DIS3L2: variants seen among roughly 807,000 people sequenced by gnomAD.
The protein encoded by DIS3L2 is DIS3 like 3'-5' exoribonuclease 2.
DIS3L2 carries 34 observed loss-of-function variants against 97.5 expected under a neutral mutation model. The ratio of observed to expected loss-of-function variants is 0.35; its 90% CI spans 0.27 to 0.46. The LOEUF (loss-of-function observed/expected upper bound fraction) is 0.46. Ranked by LOEUF, DIS3L2 falls within the 20% of genes least tolerant of loss-of-function variation. The probability of loss-of-function intolerance (pLI) is 1.00; values close to 1 mark genes in which losing one functional copy is unlikely to be tolerated. For synonymous variants in DIS3L2, 435 were observed against 445.2 expected, an observed-to-expected ratio of 0.98 and a Z score of 0.29; for missense variants, 1,038 against 1,146.0, an observed-to-expected ratio of 0.91 and a Z score of 1.36.
intron 1 of DIS3L2, among the ~76,000 whole-genome samples, chr2:231,985,250 C>T (rs1221358247): frequency 6.6e-6 from 1 of 152,230 alleles, no homozygotes; most frequent in Non-Finnish European, 1.5e-5. Flanking sequence ...TGCCCTCTCT[C>T]TCTGCCTCCC....
At chr2:232,339,343 G>A (rs150279401), downstream of DIS3L2, among the ~76,000 whole-genome samples, 4 of 152,338 alleles carry the variant, frequency 2.6e-5, no homozygotes, top group African/African-American at 7.2e-5. Context: ...CCACTGCAGC[G>A]GCTCCACCAC....
At chr2:232,097,462 G>T (rs546417965) in intron 6 of DIS3L2, among the ~76,000 whole-genome samples, 1 of 152,244 alleles carries the variant, frequency 6.6e-6, no homozygotes, top group South Asian at 2.1e-4. Flanking sequence ...ACAGGATGCA[G>T]TCCTTCTCAC....
intron 9 of DIS3L2, among the ~76,000 whole-genome samples, chr2:232,210,111 A>G (rs533165260): frequency 6.6e-6 from 1 of 152,200 alleles, no homozygotes; most frequent in Non-Finnish European, 1.5e-5. Context: ...AAGGAGAAGT[A>G]GGTGCCAGTT....
chr2:232,001,580 T>C (rs1693908167), intron 1 of DIS3L2, among the ~76,000 whole-genome samples: 1 of 105,842 alleles, frequency 9.4e-6, no homozygotes, highest in South Asian at 2.9e-4. Context: ...TTTTTTTTTT[T>C]GCTTTTGTTG....
intron 5 of DIS3L2, among the ~76,000 whole-genome samples, chr2:232,079,599 C>CAAAAAAAAAAAAA (rs760870721): frequency 1.0e-4 from 3 of 29,628 alleles, no homozygotes; most frequent in Non-Finnish European, 1.7e-4. Context: ...GACTCTATCT[C>CAAAAAAAAAAAAA]AAAAAAAAAA....
chr2:232,302,357 G>A (rs555937459), intron 14 of DIS3L2, among the ~76,000 whole-genome samples: 278 of 151,574 alleles, frequency 1.8e-3, no homozygotes, highest in South Asian at 2.7e-3. Flanking sequence ...TGCATGTTGT[G>A]CACATGTACC....
chr2:232,189,166 A>T (rs2106193671), intron 9 of DIS3L2, among the ~76,000 whole-genome samples: 1 of 151,822 alleles, frequency 6.6e-6, no homozygotes, highest in East Asian at 2.1e-4. Flanking sequence ...ACCACTCTGG[A>T]AACACTTTGG....
rs1000963300 is a variant in DIS3L2, at chr2:232,015,633, G to T, written c.172G>T (p.Asp58Tyr). 9 of 1,613,930 alleles carry T rather than the reference G, an allele frequency of 5.6e-6. No individual in the cohort carries two copies. Among genetic ancestry groups the T allele is most frequent in the Non-Finnish European group, 5.1e-6 (6 of 1,179,884 alleles). Residue 58 changes from aspartate to tyrosine, a missense_variant, in exon 3 of 21, where the codon GAT becomes TAT. Around this residue, in one of 3 missense-constraint regions of DIS3L2, gnomAD observed 813 missense variants for 880.1 expected, o/e 0.92. Coordinates refer to ENST00000325385, the MANE Select transcript of DIS3L2 (RefSeq NM_152383.5). ...SIFETYMSKE[D>Y]VSEGLKRGTL... is the part of the protein sequence containing the mutation. Reference sequence around the variant, plus strand: ...ATTTGAAACTTACATGTCCAAGGAGGATGTTTCAGAAGGCTTGAAGAGAGG... The same window carrying T: ...ATTTGAAACTTACATGTCCAAGGAGTATGTTTCAGAAGGCTTGAAGAGAGG...
chr2:232,149,193 GTT>G (rs762181547), intron 8 of DIS3L2, among the ~76,000 whole-genome samples: 256 of 137,714 alleles, frequency 1.9e-3, no homozygotes, highest in African/African-American at 6.2e-3. Flanking sequence ...GCGCTTAAAA[GTT>G]TTTTTTTTTT....
intron 5 of DIS3L2, among the ~76,000 whole-genome samples, chr2:232,041,508 C>T (rs770790460): frequency 1.3e-5 from 2 of 152,132 alleles, no homozygotes; most frequent in Admixed American, 6.5e-5. Context: ...GGAGAATTGA[C>T]TAGAGCCATA....
intron 14 of DIS3L2, among the ~76,000 whole-genome samples, chr2:232,314,569 C>G (rs566249313): frequency 1.3e-5 from 2 of 152,200 alleles, no homozygotes; most frequent in East Asian, 3.9e-4. Flanking sequence ...ACAGAAAATT[C>G]TAGAACACCA....
chr2:232,340,630 C>T, downstream of DIS3L2: 1 of 463,576 alleles, frequency 2.2e-6, no homozygotes, highest in Non-Finnish European at 4.5e-6. Context: ...TAGCCAGGCC[C>T]TCCCCATCCA....
chr2:232,312,770 C>G (rs1695171583), intron 14 of DIS3L2, among the ~76,000 whole-genome samples: 3 of 152,116 alleles, frequency 2.0e-5, no homozygotes, highest in African/African-American at 7.2e-5. Flanking sequence ...TAATTTTTCT[C>G]AATATAATTT....
rs201733073 is a variant in DIS3L2 at position 232,087,530 on chromosome 2, A to G, written c.410A>G (p.Tyr137Cys). Reference sequence around the variant, plus strand: ...AATGACAAAGAAACAGAAGCTGCGTATGAATCAGATATCCCCGAGGAGCTC... The same window carrying G: ...AATGACAAAGAAACAGAAGCTGCGTGTGAATCAGATATCCCCGAGGAGCTC... ...ESNDKETEAA[Y>C]ESDIPEELCG... The change falls in exon 6 of 21, where the codon TAT (tyrosine) becomes TGT (cysteine). Residue 137 changes from tyrosine (Y) to cysteine (C), a missense_variant. Tyr to Cys is a radical substitution (Grantham distance 194). Coordinates refer to ENST00000325385, the MANE Select transcript of DIS3L2 (RefSeq NM_152383.5). The G allele has an allele frequency of 8.8e-4, 1,427 of 1,613,924 alleles. 1 individual carries two copies. The highest frequency in any genetic ancestry group is 1.1e-3 in the Non-Finnish European group (1,323 of 1,179,956).
At chr2:232,217,174 A>T (rs1426118212) in intron 10 of DIS3L2, among the ~76,000 whole-genome samples, 2 of 152,120 alleles carry the variant, frequency 1.3e-5, no homozygotes, top group African/African-American at 4.8e-5. Context: ...GAGAGGCAAG[A>T]CATAGTTGAT....
chr2:232,329,790 CCCATCCCACCCACCCTCTGCA>C lies in DIS3L2; in HGVS notation c.1740-22_1740-2del. On this transcript the variant is annotated splice_acceptor_variant and splice_polypyrimidine_tract_variant and intron_variant, in intron 14 of 20. Coordinates refer to ENST00000325385, the MANE Select transcript of DIS3L2 (RefSeq NM_152383.5). LOFTEE classifies it high-confidence loss of function. Reference sequence around the variant, plus strand: ...CTGTCCCCAAACCCCAGCGGTCCCTCCCATCCCACCCACCCTCTGCAGGCTCGTGGAGGAGTTCATGCTCTT... The same window carrying C: ...CTGTCCCCAAACCCCAGCGGTCCCTCGGCTCGTGGAGGAGTTCATGCTCTT... 4 of 315,268 alleles carry C rather than the reference CCCATCCCACCCACCCTCTGCA, an allele frequency of 1.3e-5. No individual in the cohort carries two copies. Among genetic ancestry groups the C allele is most frequent in the Non-Finnish European group, 1.9e-5 (3 of 158,926 alleles). The allele number at this position is 315,268 out of a possible 1,614,324, so 19.5% of individuals were successfully genotyped here.
rs1694309577 is a variant in DIS3L2, at chr2:232,014,899, T to C, written c.-29T>C. ...TAAGCAGTGGAGGTTTCTCTGGATC[T>C]GGAGAGAAGAGTGACCTTGGAGCCA... On this transcript the variant is annotated 5_prime_UTR_variant, in exon 2 of 21. Transcript: ENST00000325385. 1.2e-6 allele frequency: 2 copies of C among 1,613,186 alleles called. No individual in the cohort carries two copies. Among genetic ancestry groups the C allele is most frequent in the Non-Finnish European group, 1.7e-6 (2 of 1,179,578 alleles).
intron 8 of DIS3L2, among the ~76,000 whole-genome samples, chr2:232,161,255 T>C (rs1690641923): frequency 1.3e-5 from 2 of 152,050 alleles, no homozygotes; most frequent in South Asian, 4.1e-4. Flanking sequence ...TGTTTCTTCA[T>C]TATTTCTGTC....
At chr2:231,969,494 C>T (rs187046260) in intron 1 of DIS3L2, among the ~76,000 whole-genome samples, 78 of 151,746 alleles carry the variant, frequency 5.1e-4, no homozygotes, top group African/African-American at 1.5e-3. Context: ...TATTTTCAGT[C>T]GAGACGGGGT....
Sources: gnomAD v4.1 joint callset for allele counts (sites outside exome capture counted in the v4.1 genomes callset) on GRCh38, gnomAD v4.1.1 for gene constraint, gnomAD v4.1.1 regional missense constraint, MANE v1.5 for transcripts, NCBI Gene and HGNC (gene_info 2026-07-23, HGNC 2026-07-21) for gene names.